The following RBFOX3 variants were observed in gnomAD, a reference collection of about 807,000 sequenced individuals.
RBFOX3 encodes RNA binding fox-1 homolog 3.
Under a neutral mutation model 48.7 loss-of-function variants are expected in RBFOX3, and 17 were observed. That is an observed-to-expected ratio of 0.35 (90% CI 0.24 to 0.52). The LOEUF (loss-of-function observed/expected upper bound fraction) is 0.52. RBFOX3 is among the 20% of genes least tolerant of loss of function. RBFOX3 has a pLI of 0.94. For synonymous variants in RBFOX3, 212 were observed against 209.5 expected (o/e 1.01, Z -0.10); for missense variants, 382 against 497.5 (o/e 0.77, Z 2.21).
At chr17:79,656,108 C>T in the RBFOX3 span, among the ~76,000 whole-genome samples, 20 of 152,206 alleles carry the variant, frequency 1.3e-4, no homozygotes, top group East Asian at 1.5e-3. Context: ...CCAGAACCCA[C>T]GTCCTTGTCA....
At chr17:79,265,914 C>A (rs889204506) in intron 3 of RBFOX3, among the ~76,000 whole-genome samples, 45 of 152,202 alleles carry the variant, frequency 3.0e-4, no homozygotes, top group Non-Finnish European at 6.0e-4. Context: ...GAGCTCAGGT[C>A]AAGAAGGCTC....
At chr17:79,139,447 G>A (rs1021396723) in intron 4 of RBFOX3, among the ~76,000 whole-genome samples, 11 of 152,264 alleles carry the variant, frequency 7.2e-5, no homozygotes, top group African/African-American at 2.4e-4. Context: ...CTGGGCTCCA[G>A]GGCCTGGAAG....
At position 79,373,240 on chromosome 17, in the gene RBFOX3, C is replaced by T. The variant is rs542823452; in HGVS notation, c.-174-65416G>A. 5.3e-5 allele frequency among the ~76,000 whole-genome samples: 8 copies of T among 152,316 alleles called. No homozygotes were observed. In the South Asian group the frequency reaches 6.2e-4, roughly 12 times the overall value. On this transcript the variant is annotated intron_variant, in intron 2 of 14. Transcript: ENST00000693108. ...AAGTTCTTCCCTCTGTCCTCCCCAC[C>T]CCTACGGCCCCCACACATACATACT...
intron 3 of RBFOX3, among the ~76,000 whole-genome samples, chr17:79,257,803 A>G (rs1453106630): frequency 1.3e-5 from 2 of 150,036 alleles, no homozygotes; most frequent in African/African-American, 4.9e-5. Flanking sequence ...CTGGTCTTGA[A>G]CTCCTGAGCT....
In RBFOX3 at chr17:79,183,851, C is replaced by T. The variant is rs530108105; in HGVS notation, c.-34+51915G>A. On this transcript the variant is annotated intron_variant, in intron 4 of 14. Coordinates refer to ENST00000693108, the MANE Select transcript of RBFOX3 (RefSeq NM_001350451.2). ...ATCCCACACTTAACCCCTCGCCCGC[C>T]GGCACCGGGGCAGCCCTCCCTCGCG... 2.2e-3 allele frequency among the ~76,000 whole-genome samples: 329 copies of T among 152,304 alleles called. 1 individual carries two copies. The highest frequency in any genetic ancestry group is 7.6e-3 in the African/African-American group (314 of 41,562).
intron 3 of RBFOX3, among the ~76,000 whole-genome samples, chr17:79,262,723 G>A (rs375970018): frequency 6.6e-6 from 1 of 152,228 alleles, no homozygotes; most frequent in African/African-American, 2.4e-5. Context: ...CACAAGGCTG[G>A]AGTCCATCCT....
At chr17:79,280,506 G>A (rs1402865633) in intron 3 of RBFOX3, among the ~76,000 whole-genome samples, 3 of 152,198 alleles carry the variant, frequency 2.0e-5, no homozygotes, top group Admixed American at 6.5e-5. Context: ...CTCAAGCTCT[G>A]TGGAGCTCCA....
At chr17:79,615,053 A>T (rs1193934265), upstream of RBFOX3, among the ~76,000 whole-genome samples, 1 of 144,962 alleles carries the variant, frequency 6.9e-6, no homozygotes, top group East Asian at 2.0e-4. Flanking sequence ...TTGAAAAGTA[A>T]ATCACTGAAG....
In RBFOX3 at chr17:79,447,769, C is replaced by T. The variant is rs570288319; in HGVS notation, c.-175+34685G>A. ...TTGCTCAGCAGAGCAGGCTGTGGGC[C>T]GTGCTGAGGGGCGGCCAGGGTGAGC... On this transcript the variant is annotated intron_variant, in intron 2 of 14. Transcript: ENST00000693108. Among the ~76,000 whole-genome samples, 347 of 152,312 alleles carry T rather than the reference C, an allele frequency of 2.3e-3. 1 individual carries two copies. The highest frequency in any genetic ancestry group is 7.9e-3 in the African/African-American group (328 of 41,568).
At chr17:79,569,510 G>A (rs2092587939) in intron 1 of RBFOX3, among the ~76,000 whole-genome samples, 1 of 152,166 alleles carries the variant, frequency 6.6e-6, no homozygotes, top group Non-Finnish European at 1.5e-5. Flanking sequence ...TTTCACTATT[G>A]TGTGGTGAAT....
intron 1 of RBFOX3, among the ~76,000 whole-genome samples, chr17:79,499,656 A>G (rs1239118432): frequency 2.6e-5 from 4 of 152,248 alleles, no homozygotes; most frequent in Admixed American, 2.6e-4. Context: ...CGGGCAAGTT[A>G]CTTAACCTTT....
At chr17:79,597,402 C>A (rs1403164990) in intron 1 of RBFOX3, among the ~76,000 whole-genome samples, 1 of 152,136 alleles carries the variant, frequency 6.6e-6, no homozygotes, top group Non-Finnish European at 1.5e-5. Flanking sequence ...CCCGCCCCCA[C>A]CCAGGGCAGA....
intron 4 of RBFOX3, among the ~76,000 whole-genome samples, chr17:79,191,444 G>T (rs528824403): frequency 3.9e-4 from 60 of 152,340 alleles, no homozygotes; most frequent in African/African-American, 1.4e-3. Flanking sequence ...CACTCTGTTC[G>T]TCCCCTGCCC....
intron 1 of RBFOX3, among the ~76,000 whole-genome samples, chr17:79,540,711 G>T (rs781840946): frequency 9.8e-4 from 150 of 152,348 alleles, no homozygotes; most frequent in African/African-American, 3.3e-3. Flanking sequence ...TGTGGCCTCC[G>T]CCAGGTTGTG....
intron 4 of RBFOX3, among the ~76,000 whole-genome samples, chr17:79,197,433 G>GA: frequency 6.9e-6 from 1 of 145,242 alleles, no homozygotes; most frequent in East Asian, 2.1e-4. Flanking sequence ...CTGTCGCCCA[G>GA]GCTGGAGTGC....
chr17:79,338,963 T>C (rs779099814), intron 2 of RBFOX3, among the ~76,000 whole-genome samples: 18 of 152,182 alleles, frequency 1.2e-4, no homozygotes, highest in African/African-American at 4.3e-4. Flanking sequence ...GGCGGTTCTA[T>C]AAAAATTCAG....
At chr17:79,176,025 C>T (rs1424440034) in intron 4 of RBFOX3, among the ~76,000 whole-genome samples, 2 of 152,202 alleles carry the variant, frequency 1.3e-5, no homozygotes, top group Admixed American at 6.5e-5. Flanking sequence ...TGTCTGTGAA[C>T]CCCAGGAAGG....
Position 79,356,742 on chromosome 17 carries a change from AT to A in RBFOX3, c.-174-48919del, listed in dbSNP as rs376574048. Among the ~76,000 whole-genome samples the A allele has an allele frequency of 2.0e-3, 308 of 152,226 alleles. 1 individual carries two copies. The highest frequency in any genetic ancestry group is 7.0e-3 in the African/African-American group (291 of 41,542). On this transcript the variant is annotated intron_variant, in intron 2 of 14. Coordinates refer to ENST00000693108, the MANE Select transcript of RBFOX3 (RefSeq NM_001350451.2). Reference sequence around the variant, plus strand: ...ATAGGTGTGAATAACTATTTGGGAAATAATTTCTTTCCTAAAATATGTCCAG... The same window carrying A: ...ATAGGTGTGAATAACTATTTGGGAAAAATTTCTTTCCTAAAATATGTCCAG...
In RBFOX3 at chr17:79,539,491, C is replaced by A. The variant is rs555442145; in HGVS notation, c.-319-56893G>T. ...AAGTTAAAATTTAAGATACACATAA[C>A]CTTTGCCCCAATAAGTCTACTGTTG... On this transcript the variant is annotated intron_variant, in intron 1 of 14. Transcript: ENST00000693108. Among the ~76,000 whole-genome samples the A allele has an allele frequency of 2.6e-5, 4 of 152,254 alleles. 1 individual carries two copies. Among genetic ancestry groups the A allele is most frequent in the African/African-American group, 7.2e-5 (3 of 41,554 alleles).
Sources: gnomAD v4.1 joint callset for allele counts (sites outside exome capture counted in the v4.1 genomes callset) on GRCh38, gnomAD v4.1.1 for gene constraint, MANE v1.5 for transcripts, NCBI Gene and HGNC (gene_info 2026-07-23, HGNC 2026-07-21) for gene names.